SHROOM4: variants seen among roughly 807,000 people sequenced by gnomAD.
SHROOM4 encodes the protein shroom family member 4, also known as protein Shroom4.
In SHROOM4, 17 loss-of-function variants were observed where a neutral mutation model predicts 80.3. The observed-to-expected ratio is 0.21, with a 90% CI of 0.14 to 0.32. The LOEUF is 0.32. Among genes scored for constraint, SHROOM4 ranks in the 10% least tolerant of loss-of-function variants. The pLI is 1.00. For synonymous variants in SHROOM4, 400 were observed against 437.5 expected (o/e 0.91, Z 1.07); for missense variants, 993 against 1,140.3 (o/e 0.87, Z 1.86).
chrX:50,768,708 T>C (rs1441908907), intron 1 of SHROOM4, among the ~76,000 whole-genome samples: 2 of 112,315 alleles, frequency 1.8e-5, no homozygotes, highest in African/African-American at 6.5e-5. Flanking sequence ...TATACATTAT[T>C]AATTCAACTT....
rs868932701 is a variant in SHROOM4, at chrX:50,697,379, T to A, written c.118-1442A>T. Among the ~76,000 whole-genome samples the A allele has an allele frequency of 2.2e-4, 25 of 111,558 alleles. No homozygotes were observed. The Middle Eastern group carries it at 0.027, about 122-fold the overall frequency. On this transcript the variant is annotated intron_variant, in intron 1 of 8. Transcript: ENST00000376020. The stretch of plus-strand genomic sequence containing the variant: ...ATCTCTCTCTCAGTCTTTTATAATG[T>A]CTCCTCCATCTATCCCCACACCATG...
At chrX:50,747,848 C>T (rs986353024) in intron 1 of SHROOM4, among the ~76,000 whole-genome samples, 1 of 111,813 alleles carries the variant, frequency 8.9e-6, no homozygotes, top group Non-Finnish European at 1.9e-5. Context: ...TGTGGTGTAC[C>T]CACTAAGTGC....
intron 1 of SHROOM4, among the ~76,000 whole-genome samples, chrX:50,758,410 T>G: frequency 8.9e-6 from 1 of 111,951 alleles, no homozygotes; most frequent in African/African-American, 3.2e-5. Flanking sequence ...TTGTTGAGGG[T>G]TTTTGTCATG....
chrX:50,673,647 C>T lies in SHROOM4; in HGVS notation c.269+22139G>A, dbSNP rs782009672. On this transcript the variant is annotated intron_variant, in intron 2 of 8. Transcript: ENST00000376020. ...ACATGATTCAACTATATGCTGTCAA[C>T]AGTAATTCACTTCAAATAATATAAG... 6.3e-5 allele frequency among the ~76,000 whole-genome samples: 7 copies of T among 110,268 alleles called. No homozygotes were observed. The South Asian group carries it at 1.1e-3, about 18-fold the overall frequency.
chrX:50,771,880 T>C (rs1198692084), intron 1 of SHROOM4, among the ~76,000 whole-genome samples: 1 of 112,300 alleles, frequency 8.9e-6, no homozygotes, highest in Non-Finnish European at 1.9e-5. Context: ...AGTATTTATA[T>C]AGTCATAAAG....
intron 1 of SHROOM4, among the ~76,000 whole-genome samples, chrX:50,708,965 C>T (rs1380240602): frequency 1.8e-5 from 2 of 111,364 alleles, no homozygotes; most frequent in Non-Finnish European, 3.8e-5. Flanking sequence ...AAATGTTAGA[C>T]TGAGTGGTCA....
At chrX:50,627,541 C>T in intron 5 of SHROOM4, 73 bp downstream of exon 5, 1 of 979,848 alleles carries the variant, frequency 1.0e-6, no homozygotes, top group South Asian at 1.9e-5. Context: ...ACTAAGCAAA[C>T]CAAAGACCTT....
At chrX:50,755,256 C>T (rs1476596465) in intron 1 of SHROOM4, among the ~76,000 whole-genome samples, 2 of 111,735 alleles carry the variant, frequency 1.8e-5, no homozygotes, top group Non-Finnish European at 3.8e-5. Context: ...GGAGTATATC[C>T]GCTATAGAAA....
In SHROOM4 at chrX:50,634,234, C is replaced by T. The variant is rs1557255106; in HGVS notation, c.1839G>A (p.Leu613=). 2 of 1,211,561 alleles carry T rather than the reference C, an allele frequency of 1.7e-6. No homozygotes were observed. Among genetic ancestry groups the T allele is most frequent in the Non-Finnish European group, 2.2e-6 (2 of 895,348 alleles). The change falls in exon 4 of 9, where the codon CTG becomes CTA. Residue 613 remains leucine (L), a synonymous_variant. Transcript: ENST00000376020. ...CTTCCACTGGCTCCTTAGTGTCACACAGCTGTGACAAGGGACCCTTGCTTT... is the reference window on the plus strand; with the variant it reads ...CTTCCACTGGCTCCTTAGTGTCACATAGCTGTGACAAGGGACCCTTGCTTT... ...LQKSKGPLSQ[L]CDTKEPVEET...
chrX:50,610,151 T>C (rs1557249525), intron 5 of SHROOM4, among the ~76,000 whole-genome samples: 1 of 111,669 alleles, frequency 9.0e-6, no homozygotes, highest in African/African-American at 3.3e-5. Context: ...TCAGACAGAA[T>C]GGAAGACAAA....
chrX:50,743,299 T>C (rs1557267381), intron 1 of SHROOM4, among the ~76,000 whole-genome samples: 1 of 111,011 alleles, frequency 9.0e-6, no homozygotes, highest in Non-Finnish European at 1.9e-5. Flanking sequence ...TCACTGCTGC[T>C]TCAGTATGGT....
chrX:50,662,590 A>G (rs1557260052), intron 2 of SHROOM4, among the ~76,000 whole-genome samples: 1 of 112,001 alleles, frequency 8.9e-6, no homozygotes. Context: ...AAACAAAATA[A>G]TATTTATTAA....
In SHROOM4 at chrX:50,657,528, A is replaced by G. The variant is rs782583490; in HGVS notation, c.270-19220T>C. On this transcript the variant is annotated intron_variant, in intron 2 of 8. Transcript: ENST00000376020. ...CTATTGAGATGATCATAAGACTTTT[A>G]TCCTTCTGCTAATGTGGTATATCAC... is the stretch of plus-strand genomic sequence containing the variant. Among the ~76,000 whole-genome samples, 4 of 110,222 alleles carry G rather than the reference A, an allele frequency of 3.6e-5. No individual in the cohort carries two copies. In the East Asian group the frequency reaches 1.1e-3, roughly 31 times the overall value.
chrX:50,722,997 A>C (rs1281291436), intron 1 of SHROOM4, among the ~76,000 whole-genome samples: 1 of 108,955 alleles, frequency 9.2e-6, no homozygotes, highest in East Asian at 3.0e-4. Flanking sequence ...TAGTATATTT[A>C]AAGAGTTGTA....
chrX:50,812,315 G>A (rs868975002), intron 1 of SHROOM4, among the ~76,000 whole-genome samples: 13 of 19,120 alleles, frequency 6.8e-4, no homozygotes, highest in African/African-American at 2.6e-3. Flanking sequence ...GAGTGTTTTT[G>A]TTAAAAAAAA....
intron 1 of SHROOM4, among the ~76,000 whole-genome samples, chrX:50,751,721 T>G (rs1271693958): frequency 8.9e-6 from 1 of 112,146 alleles, no homozygotes; most frequent in Non-Finnish European, 1.9e-5. Context: ...TTAATTATAA[T>G]TAATACAGTT....
intron 2 of SHROOM4, among the ~76,000 whole-genome samples, chrX:50,650,507 C>T (rs534879310): frequency 1.4e-4 from 15 of 109,958 alleles, no homozygotes; most frequent in South Asian, 4.0e-4. Context: ...CGTGCCACCA[C>T]GCCTGGCTAA....
chrX:50,770,635 A>G (rs1321126212), intron 1 of SHROOM4, among the ~76,000 whole-genome samples: 1 of 112,247 alleles, frequency 8.9e-6, no homozygotes. Flanking sequence ...ACATCACCCA[A>G]TTCAGACTTA....
At chrX:50,764,568 A>C (rs1340324604) in intron 1 of SHROOM4, among the ~76,000 whole-genome samples, 1 of 111,548 alleles carries the variant, frequency 9.0e-6, no homozygotes, top group Non-Finnish European at 1.9e-5. Flanking sequence ...GACTTCCTTT[A>C]TTCTTATTGA....
Sources: allele counts gnomAD v4.1 joint callset (sites outside exome capture counted in the v4.1 genomes callset), GRCh38; gene constraint gnomAD v4.1.1; transcripts MANE v1.5; gene names NCBI Gene and HGNC (gene_info 2026-07-23, HGNC 2026-07-21).